Variants in POLQ observed in about 807,000 individuals in gnomAD.
POLQ encodes the protein epididymis secretory sperm binding protein.
A neutral mutation model predicts 259.2 loss-of-function variants in POLQ; 233 were observed. The observed-to-expected ratio is 0.90, with a 90% confidence interval of 0.81 to 1.00. POLQ has a LOEUF of 1.00. Among genes scored for constraint, POLQ ranks in the 50% least tolerant of loss-of-function variants. The pLI, the probability that POLQ is intolerant of heterozygous loss-of-function variation, is 0.00. For synonymous variants in POLQ, 1,025 were observed against 1,048.8 expected (o/e 0.98, Z 0.44); for missense variants, 2,871 against 3,051.6 (o/e 0.94, Z 1.39).
intron 14 of POLQ, among the ~76,000 whole-genome samples, chr3:121,495,391 G>T (rs528125258): frequency 6.6e-6 from 1 of 152,172 alleles, no homozygotes; most frequent in Non-Finnish European, 1.5e-5. Context: ...TCAAAGAAAG[G>T]TTGCTGAGCT....
chr3:121,532,016 A>G lies in POLQ; in HGVS notation c.960+974T>C, dbSNP rs80162464. Among the ~76,000 whole-genome samples, 578 of 152,298 alleles carry G rather than the reference A, an allele frequency of 3.8e-3. 3 individuals carry two copies. Among genetic ancestry groups the G allele is most frequent in the African/African-American group, 0.013 (556 of 41,546 alleles). On this transcript the variant is annotated intron_variant, in intron 6 of 29. Transcript: ENST00000264233. ...AAACAGCAGATGCCTCACTCCACCA[A>G]TGTACATGAGTCAGTTCTTTAACCT... is the stretch of plus-strand genomic sequence containing the variant.
chr3:121,455,101 T>A (rs1377420504), intron 25 of POLQ, among the ~76,000 whole-genome samples: 2 of 151,256 alleles, frequency 1.3e-5, no homozygotes, highest in Admixed American at 1.3e-4. Context: ...CTCAACTACA[T>A]GGAAACTGAA....
intron 12 of POLQ, among the ~76,000 whole-genome samples, chr3:121,501,793 C>G (rs2048172403): frequency 6.6e-6 from 1 of 151,114 alleles, no homozygotes; most frequent in Non-Finnish European, 1.5e-5. Context: ...CAAGACTAGC[C>G]TGGTCAACAT....
intron 2 of POLQ, 146 bp downstream of exon 2, chr3:121,544,581 C>G: frequency 1.8e-6 from 1 of 553,974 alleles, no homozygotes; most frequent in Non-Finnish European, 3.1e-6. Context: ...ATAAATAAAA[C>G]TCCACTTTTC....
intron 19 of POLQ, among the ~76,000 whole-genome samples, chr3:121,480,396 C>T (rs1281411768): frequency 6.6e-6 from 1 of 152,054 alleles, no homozygotes; most frequent in African/African-American, 2.4e-5. Context: ...ACATTCTCTC[C>T]AAAAACTTCC....
chr3:121,476,979 A>G (rs975821333), intron 19 of POLQ, among the ~76,000 whole-genome samples: 3 of 152,204 alleles, frequency 2.0e-5, no homozygotes, highest in Non-Finnish European at 4.4e-5. Flanking sequence ...TCTTGTGACT[A>G]GTCTGGATTA....
At chr3:121,494,997 C>T (rs1027168577) in intron 14 of POLQ, 12 of 665,656 alleles carry the variant, frequency 1.8e-5, no homozygotes, top group South Asian at 4.2e-5. Flanking sequence ...AGATGCTGGG[C>T]GCAGTGGCTC....
intron 27 of POLQ, among the ~76,000 whole-genome samples, chr3:121,437,551 T>C (rs1034924706): frequency 2.0e-5 from 3 of 152,192 alleles, no homozygotes; most frequent in African/African-American, 7.2e-5. Context: ...ATAGCAAGTG[T>C]CGACAAGAAT....
intron 15 of POLQ, among the ~76,000 whole-genome samples, chr3:121,492,715 A>C (rs1258203463): frequency 1.3e-5 from 2 of 150,902 alleles, no homozygotes; most frequent in African/African-American, 4.9e-5. Flanking sequence ...GGCTCACTGC[A>C]GCCTCGACCT....
intron 9 of POLQ, among the ~76,000 whole-genome samples, chr3:121,514,904 G>T (rs1393614064): frequency 3.3e-5 from 5 of 152,174 alleles, no homozygotes; most frequent in Non-Finnish European, 5.9e-5. Context: ...AGCTCATGAG[G>T]ACCCTGCCCA....
At chr3:121,475,108 G>A (rs187936446) in intron 20 of POLQ, among the ~76,000 whole-genome samples, 5 of 152,098 alleles carry the variant, frequency 3.3e-5, no homozygotes, top group Admixed American at 6.5e-5. Context: ...TATTAGAATC[G>A]ATTCCTCCTG....
chr3:121,500,171 A>G (rs2048155522), intron 12 of POLQ, among the ~76,000 whole-genome samples: 1 of 151,806 alleles, frequency 6.6e-6, no homozygotes, highest in East Asian at 1.9e-4. Context: ...GGTCCCAGCT[A>G]CTTGGGAGGC....
intron 4 of POLQ, among the ~76,000 whole-genome samples, chr3:121,537,760 G>A (rs2048460900): frequency 1.3e-5 from 2 of 151,992 alleles, no homozygotes; most frequent in African/African-American, 4.8e-5. Flanking sequence ...GGGACCTAGA[G>A]AAATCACAAC....
intron 22 of POLQ, among the ~76,000 whole-genome samples, chr3:121,469,201 A>AAG (rs1364209466): frequency 1.3e-5 from 2 of 151,894 alleles, no homozygotes; most frequent in East Asian, 3.9e-4. Flanking sequence ...AAAAAAAAAA[A>AAG]AAATGCTTAT....
chr3:121,497,030 G>A, intron 13 of POLQ, 98 bp from the exon 14 acceptor site: 2 of 1,185,186 alleles, frequency 1.7e-6, no homozygotes, highest in Admixed American at 2.2e-5. Flanking sequence ...AGGCAACAGA[G>A]GGCTTATATA....
At chr3:121,545,681 C>T (rs990017158) in intron 1 of POLQ, 34 bp downstream of exon 1, 2 of 1,523,288 alleles carry the variant, frequency 1.3e-6, no homozygotes, top group South Asian at 1.2e-5. Context: ...GGAGCTGCCC[C>T]CGTTGCCCGC....
At chr3:121,434,431 T>C (rs1490677869) in intron 28 of POLQ, among the ~76,000 whole-genome samples, 1 of 152,218 alleles carries the variant, frequency 6.6e-6, no homozygotes, top group Non-Finnish European at 1.5e-5. Context: ...TAAATAGAAC[T>C]TAAATTTAAA....
intron 25 of POLQ, among the ~76,000 whole-genome samples, chr3:121,458,268 G>A (rs1403845999): frequency 6.6e-6 from 1 of 152,098 alleles, no homozygotes; most frequent in South Asian, 2.1e-4. Flanking sequence ...ATAGCATTAG[G>A]AGATATACCT....
intron 9 of POLQ, among the ~76,000 whole-genome samples, chr3:121,519,472 G>A (rs1051291391): frequency 3.4e-5 from 5 of 148,848 alleles, no homozygotes; most frequent in African/African-American, 4.9e-5. Flanking sequence ...CCAGGAGATC[G>A]AGACCATCCT....
Sources: allele counts gnomAD v4.1 joint callset (sites outside exome capture counted in the v4.1 genomes callset), GRCh38; gene constraint gnomAD v4.1.1; transcripts MANE v1.5; gene names NCBI Gene and HGNC (gene_info 2026-07-23, HGNC 2026-07-21).